VPS4A: variants seen among roughly 807,000 people sequenced by gnomAD.
The protein encoded by VPS4A is vacuolar protein sorting-associated protein 4A.
In VPS4A, 20 loss-of-function variants were observed where a neutral mutation model predicts 52.3. The ratio of observed to expected loss-of-function variants is 0.38; its 90% CI spans 0.27 to 0.56. VPS4A has a LOEUF of 0.56. Ranked by LOEUF, VPS4A falls within the 20% of genes least tolerant of loss-of-function variation. VPS4A has a pLI of 0.72. For synonymous variants in VPS4A, 293 were observed against 227.7 expected (o/e 1.29, Z -2.58); for missense variants, 419 against 575.9 (o/e 0.73, Z 2.79).
intron 5 of VPS4A, 70 bp from the exon 6 acceptor site, chr16:69,319,317 T>G (rs1965481080): frequency 6.3e-7 from 1 of 1,586,510 alleles, no homozygotes; most frequent in Admixed American, 1.7e-5. Context: ...TGTATGGGAC[T>G]CGAGACCCTC....
rs1226211609 is a variant in VPS4A, at chr16:69,324,424, TCCCTCTGCTGTCTGG to T, written c.*118_*132del. 5.2e-5 allele frequency: 60 copies of T among 1,147,534 alleles called. No homozygotes were observed. Among genetic ancestry groups the T allele is most frequent in the Non-Finnish European group, 6.7e-5 (53 of 792,690 alleles). 71.1% of individuals were successfully genotyped at this position (1,147,534 alleles called of 1,614,324 possible). A position where few individuals can be genotyped will look rare whatever the true frequency, so the allele number is the denominator to read the frequency against. On this transcript the variant is annotated 3_prime_UTR_variant, in exon 11 of 11. Transcript: ENST00000254950. The stretch of plus-strand genomic sequence containing the variant: ...GGGCTTGTCCCAGTCAATACAGAGT[TCCCTCTGCTGTCTGG>T]CCGTCTGCCAGGGAGCCAGAAGGAA...
rs748705794 is a variant in VPS4A at position 69,316,062 on chromosome 16, G to C, written c.76G>C (p.Glu26Gln). The stretch of plus-strand genomic sequence containing the variant: ...AGAGGAGGACAAAGCCAAGAACTAC[G>C]AGGAGGCGCTGCGGCTGTACCAGCA... ...ATEEDKAKNYEEALRLYQHAV... is the reference protein window; with the variant it reads ...ATEEDKAKNYQEALRLYQHAV... Residue 26 changes from glutamate (E) to glutamine (Q), a missense_variant, in exon 2 of 11, where the codon GAG becomes CAG. Coordinates refer to ENST00000254950, the MANE Select transcript of VPS4A (RefSeq NM_013245.3). 1 of 1,613,442 alleles carries C rather than the reference G, an allele frequency of 6.2e-7. No individual in the cohort carries two copies. The highest frequency in any genetic ancestry group is 1.3e-5 in the African/African-American group (1 of 74,916).
chr16:69,313,872 C>T (rs984245927), intron 1 of VPS4A, among the ~76,000 whole-genome samples: 2 of 151,896 alleles, frequency 1.3e-5, no homozygotes, highest in Non-Finnish European at 2.9e-5. Flanking sequence ...TGCGGCGGGG[C>T]TGGCAGTTTC....
intron 9 of VPS4A, chr16:69,322,328 A>C: frequency 2.4e-6 from 1 of 422,026 alleles, no homozygotes; most frequent in Non-Finnish European, 4.2e-6. Flanking sequence ...TCCTGGTGAG[A>C]CGTGACAGTG....
chr16:69,312,370 A>G (rs1000410487), intron 1 of VPS4A, among the ~76,000 whole-genome samples: 2 of 152,180 alleles, frequency 1.3e-5, no homozygotes, highest in Admixed American at 6.5e-5. Context: ...GCAAGACTTC[A>G]TGGAAGAAGG....
chr16:69,324,264 C>T lies in VPS4A; in HGVS notation c.1269C>T (p.Leu423=), dbSNP rs367704995. 9 of 1,613,832 alleles carry T rather than the reference C, an allele frequency of 5.6e-6. No homozygotes were observed. In the African/African-American group the frequency reaches 1.1e-4, roughly 19 times the overall value. ...GGCCCACGGTGAATGCAGACGACCT[C>T]CTGAAAGTGAAGAAATTCTCAGAGG... ...TTRPTVNADD[L]LKVKKFSEDF... The change falls in exon 11 of 11, where the codon CTC becomes CTT. Residue 423 remains leucine, a synonymous_variant. Coordinates refer to ENST00000254950, the MANE Select transcript of VPS4A (RefSeq NM_013245.3).
At chr16:69,317,428 C>T (rs1051799410) in intron 3 of VPS4A, among the ~76,000 whole-genome samples, 11 of 152,062 alleles carry the variant, frequency 7.2e-5, no homozygotes, top group East Asian at 3.9e-4. Context: ...GAGGCCAACG[C>T]GGGCAGATCA....
rs1015116585 is a variant in VPS4A at position 69,320,863 on chromosome 16, C to T, written c.851+94C>T. 1 of 1,368,282 alleles carries T rather than the reference C, an allele frequency of 7.3e-7. No individual in the cohort carries two copies. Among genetic ancestry groups the T allele is most frequent in the Non-Finnish European group, 1.0e-6 (1 of 989,396 alleles). The allele number at this position is 1,368,282 out of a possible 1,614,324, so 84.8% of individuals were successfully genotyped here. On this transcript the variant is annotated intron_variant, in intron 8 of 10. Coordinates refer to ENST00000254950, the MANE Select transcript of VPS4A (RefSeq NM_013245.3). This position sits in a 1 kb window ranked among gnomAD's most constrained non-coding sequence, Gnocchi z 4.2. The stretch of plus-strand genomic sequence containing the variant: ...TGGCAGCCCGGGTGCAGCCTGGCCC[C>T]TTTTCCCTGGAGTCTTCCCGTCTGC...
At chr16:69,323,820 CG>C in intron 10 of VPS4A, 1 of 373,796 alleles carries the variant, frequency 2.7e-6, no homozygotes, top group Admixed American at 3.3e-5. Context: ...TGTGGTGGCA[CG>C]TGCCTGTAGT....
intron 5 of VPS4A, 85 bp downstream of exon 5, chr16:69,319,027 G>T: frequency 6.4e-7 from 1 of 1,553,828 alleles, no homozygotes; most frequent in South Asian, 1.2e-5. Flanking sequence ...GGAGTCAGTG[G>T]CGACTCAGCC....
At chr16:69,315,070 C>T (rs1045984942) in intron 1 of VPS4A, among the ~76,000 whole-genome samples, 1 of 151,998 alleles carries the variant, frequency 6.6e-6, no homozygotes, top group African/African-American at 2.4e-5. Context: ...TCTGTCTGCA[C>T]TAAAAATACA....
chr16:69,324,946 C>G lies in VPS4A; in HGVS notation c.*637C>G, dbSNP rs1444859219. On this transcript the variant is annotated 3_prime_UTR_variant, in exon 11 of 11. Transcript: ENST00000254950. Reference sequence around the variant, plus strand: ...CAGTCAGGCGGGTGTTCACCACTGCCTTTTCTTCCTCTGAGCGTGAGAACA... The same window carrying G: ...CAGTCAGGCGGGTGTTCACCACTGCGTTTTCTTCCTCTGAGCGTGAGAACA... 1 of 153,174 alleles carries G rather than the reference C, an allele frequency of 6.5e-6. No individual in the cohort carries two copies. Among genetic ancestry groups the G allele is most frequent in the South Asian group, 2.0e-4 (1 of 4,890 alleles). The allele number at this position is 153,174 out of a possible 1,614,324, so 9.5% of individuals were successfully genotyped here. A position where few individuals can be genotyped will look rare whatever the true frequency, so the allele number is the denominator to read the frequency against.
chr16:69,320,034 C>G lies in VPS4A; in HGVS notation c.621-107C>G. ...ACGTTTTCCGCAATTCCGGCATGAC[C>G]GTGGCCTGCGCCTCCCTGTGGGAAG... On this transcript the variant is annotated intron_variant, in intron 6 of 10. Transcript: ENST00000254950. This position sits in a 1 kb window ranked among gnomAD's most constrained non-coding sequence, Gnocchi z 4.2. The G allele has an allele frequency of 7.0e-7, 1 of 1,427,970 alleles. No individual in the cohort carries two copies. 88.5% of individuals were successfully genotyped at this position (1,427,970 alleles called of 1,614,324 possible).
At chr16:69,323,576 C>T (rs1459410319) in intron 10 of VPS4A, 2 of 452,324 alleles carry the variant, frequency 4.4e-6, no homozygotes, top group Non-Finnish European at 8.9e-6. Flanking sequence ...GTTGCAAAGG[C>T]AGCGCCTCAC....
chr16:69,316,180 T>C (rs1597211659), intron 2 of VPS4A, 45 bp from the exon 3 acceptor site: 2 of 1,611,404 alleles, frequency 1.2e-6, no homozygotes, highest in African/African-American at 1.3e-5. Context: ...GGAGAGGGGG[T>C]GGCGCACGAG....
Position 69,317,892 on chromosome 16 carries a change from C to T in VPS4A, c.282-758C>T, listed in dbSNP as rs143020651. 3.2e-4 allele frequency among the ~76,000 whole-genome samples: 43 copies of T among 133,402 alleles called. No individual in the cohort carries two copies. In the South Asian group the frequency reaches 5.6e-3, roughly 17 times the overall value. The allele number at this position is 133,402 out of a possible 152,430, so 87.5% of individuals were successfully genotyped here. On this transcript the variant is annotated intron_variant, in intron 3 of 10. Transcript: ENST00000254950. ...CAGAGAATTACTTGAACCCGGGAGG[C>T]GGAGATTGCAGTGAGCTGAGATGGA... is the stretch of plus-strand genomic sequence containing the variant.
chr16:69,320,406 C>A lies in VPS4A; in HGVS notation c.769+117C>A. 6.9e-7 allele frequency: 1 copy of A among 1,441,452 alleles called. No homozygotes were observed. 89.3% of individuals were successfully genotyped at this position (1,441,452 alleles called of 1,614,324 possible). On this transcript the variant is annotated intron_variant, in intron 7 of 10. Transcript: ENST00000254950. The surrounding 1 kb of genome is among the most constrained non-coding windows in gnomAD (Gnocchi z 4.2). ...TCAGCCTCGGAGAGGCACTCCCCAG[C>A]TCCAGCCCCTCAGGGCACGGGTGGA... is the stretch of plus-strand genomic sequence containing the variant.
rs754091884 is a variant in VPS4A, at chr16:69,320,586, G to A, written c.770-102G>A. On this transcript the variant is annotated intron_variant, in intron 7 of 10. Transcript: ENST00000254950. This position sits in a 1 kb window ranked among gnomAD's most constrained non-coding sequence, Gnocchi z 4.2. ...GCCAGTGGTGGGTGGCACAGGGATGGCTTCAATTGCTGACACACAAAGCCC... is the reference window on the plus strand; with the variant it reads ...GCCAGTGGTGGGTGGCACAGGGATGACTTCAATTGCTGACACACAAAGCCC... 7.8e-6 allele frequency: 8 copies of A among 1,027,094 alleles called. No individual in the cohort carries two copies. Among genetic ancestry groups the A allele is most frequent in the South Asian group, 3.1e-5 (2 of 64,070 alleles). 63.6% of individuals were successfully genotyped at this position (1,027,094 alleles called of 1,614,324 possible).
chr16:69,319,318 C>T (rs941333455), intron 5 of VPS4A, 69 bp from the exon 6 acceptor site: 15 of 1,586,588 alleles, frequency 9.5e-6, no homozygotes, highest in South Asian at 9.2e-5. Flanking sequence ...GTATGGGACT[C>T]GAGACCCTCT....
Sources: allele counts gnomAD v4.1 joint callset (sites outside exome capture counted in the v4.1 genomes callset), GRCh38; gene constraint gnomAD v4.1.1; non-coding constraint Gnocchi (gnomAD v3.1); transcripts MANE v1.5; gene names NCBI Gene and HGNC (gene_info 2026-07-23, HGNC 2026-07-21).